FILIP1: variants seen among roughly 807,000 people sequenced by gnomAD.
The protein encoded by FILIP1 is filamin A interacting protein 1, also known as filamin-A-interacting protein 1.
FILIP1 carries 61 observed loss-of-function variants against 102.1 expected under a neutral mutation model. That is an observed-to-expected ratio of 0.60 (90% CI 0.49 to 0.74). FILIP1 has a LOEUF of 0.74. FILIP1 is among the 30% of genes least tolerant of loss of function. The pLI, the probability that FILIP1 is intolerant of heterozygous loss-of-function variation, is 0.00. For synonymous variants in FILIP1, 491 were observed against 526.9 expected (o/e 0.93, Z 0.93); for missense variants, 1,314 against 1,441.2 (o/e 0.91, Z 1.43).
chr6:75,462,192 A>G (rs770930943), intron 1 of FILIP1, among the ~76,000 whole-genome samples: 2 of 152,192 alleles, frequency 1.3e-5, no homozygotes, highest in Non-Finnish European at 2.9e-5. Flanking sequence ...GCCCAGCTCC[A>G]GATAGATCAC....
chr6:75,425,079 A>G (rs1213888301), intron 1 of FILIP1, among the ~76,000 whole-genome samples: 1 of 152,168 alleles, frequency 6.6e-6, no homozygotes, highest in Non-Finnish European at 1.5e-5. Context: ...ATTAAATCAA[A>G]GCATATACAG....
At chr6:75,452,065 C>T (rs1778650388) in intron 1 of FILIP1, among the ~76,000 whole-genome samples, 3 of 151,360 alleles carry the variant, frequency 2.0e-5, no homozygotes, top group Admixed American at 6.6e-5. Flanking sequence ...ATCAGAGATG[C>T]CACCAGGAAT....
At chr6:75,392,561 T>G (rs1191352391) in intron 2 of FILIP1, among the ~76,000 whole-genome samples, 1 of 152,170 alleles carries the variant, frequency 6.6e-6, no homozygotes, top group Non-Finnish European at 1.5e-5. Context: ...CAAATCTCTT[T>G]CTCACATATC....
At chr6:75,434,168 G>A (rs1290701654) in intron 1 of FILIP1, among the ~76,000 whole-genome samples, 3 of 152,184 alleles carry the variant, frequency 2.0e-5, no homozygotes, top group Non-Finnish European at 4.4e-5. Context: ...TCTTGGCAAT[G>A]TGGGCTCTTT....
intron 4 of FILIP1, among the ~76,000 whole-genome samples, chr6:75,328,518 G>A (rs1291687191): frequency 6.6e-6 from 1 of 152,072 alleles, no homozygotes; most frequent in Non-Finnish European, 1.5e-5. Flanking sequence ...TTTTGAGATG[G>A]AGTCTCACTC....
intron 1 of FILIP1, among the ~76,000 whole-genome samples, chr6:75,452,460 A>C (rs572710090): frequency 6.6e-6 from 1 of 152,246 alleles, no homozygotes; most frequent in African/African-American, 2.4e-5. Context: ...ATGGCTGCAT[A>C]GTATTCCATG....
chr6:75,383,538 C>T (rs189796380), intron 2 of FILIP1, among the ~76,000 whole-genome samples: 156 of 152,176 alleles, frequency 1.0e-3, no homozygotes, highest in African/African-American at 1.5e-3. Flanking sequence ...CAAAATGAAA[C>T]GTATATGCTA....
chr6:75,389,681 T>C (rs1028038031), intron 2 of FILIP1, among the ~76,000 whole-genome samples: 1 of 152,218 alleles, frequency 6.6e-6, no homozygotes, highest in African/African-American at 2.4e-5. Context: ...TAGTATTCTC[T>C]GATGGTAGTT....
At chr6:75,299,086 A>G (rs899417202) in intron 6 of FILIP1, among the ~76,000 whole-genome samples, 1 of 151,908 alleles carries the variant, frequency 6.6e-6, no homozygotes, top group South Asian at 2.1e-4. Context: ...AAAAAAACAG[A>G]CTTGAATTCC....
chr6:75,339,191 A>C (rs758334725), intron 4 of FILIP1, among the ~76,000 whole-genome samples: 2 of 152,212 alleles, frequency 1.3e-5, no homozygotes, highest in Non-Finnish European at 2.9e-5. Context: ...GTAACTATTG[A>C]TGGAAAATTT....
downstream of FILIP1, among the ~76,000 whole-genome samples, chr6:75,306,747 C>CTT (rs61305571): frequency 1.3e-3 from 195 of 149,410 alleles, no homozygotes; most frequent in African/African-American, 4.5e-3. Flanking sequence ...CCTCAATTTT[C>CTT]TTTTTTTTCC....
At chr6:75,361,161 G>T (rs1304498103) in intron 3 of FILIP1, among the ~76,000 whole-genome samples, 2 of 152,218 alleles carry the variant, frequency 1.3e-5, no homozygotes, top group Non-Finnish European at 2.9e-5. Context: ...AGCTTAGCCA[G>T]TTCCAGAAGG....
intron 1 of FILIP1, among the ~76,000 whole-genome samples, chr6:75,484,941 C>T (rs752648423): frequency 3.9e-5 from 6 of 152,074 alleles, no homozygotes; most frequent in African/African-American, 9.7e-5. Flanking sequence ...TGGAAATTAT[C>T]GCTGTTGTGT....
chr6:75,402,867 T>A (rs1776704504), intron 2 of FILIP1, among the ~76,000 whole-genome samples: 2 of 152,290 alleles, frequency 1.3e-5, no homozygotes, highest in East Asian at 3.9e-4. Flanking sequence ...AATTCAGTGT[T>A]TTGCAGATGT....
chr6:75,317,281 G>A (rs955267716), intron 4 of FILIP1, among the ~76,000 whole-genome samples: 3 of 152,200 alleles, frequency 2.0e-5, no homozygotes, highest in African/African-American at 7.2e-5. Context: ...ATCAGACCTT[G>A]GTGATGACCT....
chr6:75,313,567 A>G lies in FILIP1; in HGVS notation c.2265T>C (p.Phe755=), dbSNP rs1349607230. Residue 755 remains phenylalanine (F), a synonymous_variant, in exon 5 of 6, where the codon TTT becomes TTC. Coordinates refer to ENST00000237172, the MANE Select transcript of FILIP1 (RefSeq NM_015687.5). This position sits in a 1 kb window ranked among gnomAD's most constrained non-coding sequence, Gnocchi z 4.2. ...QVDYSVLQQR[F]MEEENKNKNM... ...TTTTGTTCTTATTTTCTTCTTCCATAAATCTTTGTTGAAGTACAGAATAAT... is the reference window on the plus strand; with the variant it reads ...TTTTGTTCTTATTTTCTTCTTCCATGAATCTTTGTTGAAGTACAGAATAAT... 6.2e-7 allele frequency: 1 copy of G among 1,614,148 alleles called. No homozygotes were observed. Among genetic ancestry groups the G allele is most frequent in the Admixed American group, 1.7e-5 (1 of 60,024 alleles).
At chr6:75,441,714 C>A (rs1258176178) in intron 1 of FILIP1, among the ~76,000 whole-genome samples, 11 of 146,230 alleles carry the variant, frequency 7.5e-5, no homozygotes, top group African/African-American at 2.3e-4. Context: ...GGGGACTGAC[C>A]CCCCCACCTC....
intron 1 of FILIP1, among the ~76,000 whole-genome samples, chr6:75,457,520 G>A (rs1006223630): frequency 6.6e-5 from 10 of 151,324 alleles, no homozygotes; most frequent in African/African-American, 1.5e-4. Flanking sequence ...ACTTTCATAC[G>A]GAATTCAAAA....
intron 2 of FILIP1, chr6:75,366,150 T>G (rs1425112663): frequency 2.0e-5 from 3 of 152,254 alleles, no homozygotes; most frequent in Non-Finnish European, 4.4e-5. Context: ...ATATTTATTA[T>G]GATTTAGTCA....
Sources: allele counts gnomAD v4.1 joint callset (sites outside exome capture counted in the v4.1 genomes callset), GRCh38; gene constraint gnomAD v4.1.1; non-coding constraint Gnocchi (gnomAD v3.1); transcripts MANE v1.5; gene names NCBI Gene and HGNC (gene_info 2026-07-23, HGNC 2026-07-21).